The following GDAP1 variants were observed in gnomAD, a reference collection of about 807,000 sequenced individuals.
GDAP1 encodes ganglioside-induced differentiation-associated protein 1.
GDAP1 carries 34 observed loss-of-function variants against 40.1 expected under a neutral mutation model. The ratio of observed to expected loss-of-function variants is 0.85; its 90% CI spans 0.64 to 1.13. GDAP1 has a LOEUF of 1.13. GDAP1 is among the 50% of genes most tolerant of loss of function. The pLI, the probability that GDAP1 is intolerant of heterozygous loss-of-function variation, is 0.00. For synonymous variants in GDAP1, 170 were observed against 157.4 expected (o/e 1.08, Z -0.60); for missense variants, 374 against 433.7 (o/e 0.86, Z 1.22).
At chr8:74,469,418 C>G (rs1487786796) in intron 2 of GDAP1, among the ~76,000 whole-genome samples, 1 of 152,128 alleles carries the variant, frequency 6.6e-6, no homozygotes, top group Non-Finnish European at 1.5e-5. Context: ...CCTGTAATCC[C>G]AGCACTTTGG....
intron 2 of GDAP1, among the ~76,000 whole-genome samples, chr8:74,467,648 T>C (rs553372858): frequency 6.6e-6 from 1 of 152,270 alleles, no homozygotes; most frequent in Non-Finnish European, 1.5e-5. Context: ...ATTGAGATTA[T>C]ACAGAGGTTG....
intron 2 of GDAP1, among the ~76,000 whole-genome samples, chr8:74,385,319 C>T (rs528097619): frequency 1.5e-4 from 23 of 152,148 alleles, no homozygotes; most frequent in South Asian, 4.2e-4. Context: ...TAATGCTATC[C>T]GTCCCCTAAC....
rs1438058108 is a variant in GDAP1 at position 74,381,210 on chromosome 8, T to G, written c.165+29889T>G. On this transcript the variant is annotated intron_variant, in intron 2 of 2. Coordinates refer to the GDAP1 transcript ENST00000523640. ...GTTTATATTATCTGACCCAATAATT[T>G]GAGTTTTAAGACTATTTTATTAAAG... 3.3e-5 allele frequency among the ~76,000 whole-genome samples: 5 copies of G among 152,142 alleles called. No homozygotes were observed. In the East Asian group the frequency reaches 9.6e-4, roughly 29 times the overall value.
chr8:74,482,126 G>GT (rs1563481501), intron 2 of GDAP1, among the ~76,000 whole-genome samples: 1 of 147,634 alleles, frequency 6.8e-6, no homozygotes, highest in Non-Finnish European at 1.5e-5. Flanking sequence ...TTTTGGGGGG[G>GT]GGGGGTCATC....
At chr8:74,414,622 A>G (rs1805756307) in intron 2 of GDAP1, among the ~76,000 whole-genome samples, 1 of 149,554 alleles carries the variant, frequency 6.7e-6, no homozygotes, top group Non-Finnish European at 1.5e-5. Context: ...ACAAGAGAGA[A>G]AAACGTTAAA....
intron 2 of GDAP1, among the ~76,000 whole-genome samples, chr8:74,468,271 G>T (rs968281177): frequency 3.3e-5 from 5 of 151,332 alleles, no homozygotes; most frequent in African/African-American, 1.2e-4. Flanking sequence ...ATATACTTTG[G>T]AATCTGCTTA....
At chr8:74,460,093 T>A (rs1336869818) in intron 2 of GDAP1, among the ~76,000 whole-genome samples, 1 of 152,194 alleles carries the variant, frequency 6.6e-6, no homozygotes, top group Non-Finnish European at 1.5e-5. Context: ...TACTATCCAA[T>A]AATTTGGGAT....
chr8:74,425,455 T>C (rs1260842814), intron 2 of GDAP1, among the ~76,000 whole-genome samples: 1 of 152,162 alleles, frequency 6.6e-6, no homozygotes, highest in Non-Finnish European at 1.5e-5. Context: ...CATTAAAAGG[T>C]TAACTGTGGT....
chr8:74,362,848 C>A, intron 4 of GDAP1, 91 bp from the exon 5 acceptor site: 29 of 432,934 alleles, frequency 6.7e-5, no homozygotes, highest in East Asian at 1.3e-4. Context: ...ATAGGCTGAA[C>A]TCTGTAAGAG....
chr8:74,402,170 A>T (rs934818382), intron 2 of GDAP1, among the ~76,000 whole-genome samples: 1 of 150,542 alleles, frequency 6.6e-6, no homozygotes, highest in Non-Finnish European at 1.5e-5. Context: ...GAGCCTACAG[A>T]GGCAGGCAGG....
downstream of GDAP1, among the ~76,000 whole-genome samples, chr8:74,367,321 T>C (rs1809676699): frequency 6.6e-6 from 1 of 152,206 alleles, no homozygotes; most frequent in Non-Finnish European, 1.5e-5. Context: ...ATATTGAAAT[T>C]ACCTTCTACA....
At chr8:74,409,189 C>T (rs1025673201) in intron 2 of GDAP1, among the ~76,000 whole-genome samples, 2 of 150,118 alleles carry the variant, frequency 1.3e-5, no homozygotes, top group East Asian at 3.9e-4. Context: ...GTTTAATGTT[C>T]TCTTTCCCTT....
chr8:74,469,623 C>T (rs200886344), intron 2 of GDAP1, among the ~76,000 whole-genome samples: 6 of 148,158 alleles, frequency 4.0e-5, no homozygotes, highest in East Asian at 4.1e-4. Flanking sequence ...GAGCCGAGAT[C>T]GCGCCACTGC....
intron 2 of GDAP1, among the ~76,000 whole-genome samples, chr8:74,487,831 C>T (rs1347540007): frequency 6.6e-6 from 1 of 152,046 alleles, no homozygotes; most frequent in Non-Finnish European, 1.5e-5. Context: ...ATCCATCCTG[C>T]CATCAGCTGA....
chr8:74,471,194 G>A (rs1474877228), intron 2 of GDAP1, among the ~76,000 whole-genome samples: 1 of 151,982 alleles, frequency 6.6e-6, no homozygotes, highest in African/African-American at 2.4e-5. Context: ...CCATTTTGTA[G>A]GTTGCCTGTT....
Position 74,463,941 on chromosome 8 carries a change from G to GAA in GDAP1, c.166-24732_166-24731dup, listed in dbSNP as rs141048530. On this transcript the variant is annotated intron_variant, in intron 2 of 2. Transcript: ENST00000523640. ...ATTACTGAAATATCTAGCATAAAGG[G>GAA]AAAAAATCCATAAATACGTATGTAC... 4.7e-3 allele frequency among the ~76,000 whole-genome samples: 714 copies of GAA among 152,072 alleles called. 7 individuals are homozygous for GAA. The highest frequency in any genetic ancestry group is 0.013 in the African/African-American group (551 of 41,456).
chr8:74,368,004 G>A (rs932185430), downstream of GDAP1, among the ~76,000 whole-genome samples: 5 of 152,140 alleles, frequency 3.3e-5, no homozygotes, highest in Non-Finnish European at 7.4e-5. Flanking sequence ...GTAGGGTGGT[G>A]TATCTATTTC....
At chr8:74,376,841 T>C (rs1405689328) in intron 2 of GDAP1, 1 of 152,168 alleles carries the variant, frequency 6.6e-6, no homozygotes, top group Non-Finnish European at 1.5e-5. Context: ...AGTATGGTAT[T>C]GGCAGAAAGG....
intron 2 of GDAP1, among the ~76,000 whole-genome samples, chr8:74,380,049 G>T (rs1037273380): frequency 6.6e-6 from 1 of 152,152 alleles, no homozygotes; most frequent in Admixed American, 6.5e-5. Context: ...TGGATTGACC[G>T]CAGTTTTGAG....
Sources: gnomAD v4.1 joint callset for allele counts (sites outside exome capture counted in the v4.1 genomes callset) on GRCh38, gnomAD v4.1.1 for gene constraint, MANE v1.5 for transcripts, NCBI Gene and HGNC (gene_info 2026-07-23, HGNC 2026-07-21) for gene names.